Variants in CFTR observed in about 807,000 individuals in gnomAD.
CFTR encodes the protein cystic fibrosis transmembrane conductance regulator.
Under a neutral mutation model 171.6 loss-of-function variants are expected in CFTR, and 181 were observed. The observed-to-expected ratio is 1.05, with a 90% confidence interval of 0.93 to 1.19. The LOEUF is 1.19. Among genes scored for constraint, CFTR ranks in the 50% most tolerant of loss-of-function variants. The pLI, the probability that CFTR is intolerant of heterozygous loss-of-function variation, is 0.00. For synonymous variants in CFTR, 583 were observed against 608.0 expected, an observed-to-expected ratio of 0.96 and a Z score of 0.60; for missense variants, 1,968 against 1,734.7, an observed-to-expected ratio of 1.13 and a Z score of -2.39.
chr7:117,615,236 G>GT (rs1189880206), intron 21 of CFTR, among the ~76,000 whole-genome samples: 9 of 152,104 alleles, frequency 5.9e-5, no homozygotes. Flanking sequence ...TTGTCACCTA[G>GT]TTTTTTCTTC....
At chr7:117,507,356 G>C (rs566471813) in intron 2 of CFTR, among the ~76,000 whole-genome samples, 2 of 152,186 alleles carry the variant, frequency 1.3e-5, no homozygotes, top group African/African-American at 2.4e-5. Flanking sequence ...AGCTCCTGAA[G>C]TATGGTTTCC....
chr7:117,489,025 A>G (rs1798117022), intron 1 of CFTR, among the ~76,000 whole-genome samples: 1 of 152,076 alleles, frequency 6.6e-6, no homozygotes, highest in South Asian at 2.1e-4. Context: ...TGTTGCTTGA[A>G]ATTTCTTGGG....
chr7:117,493,603 T>C (rs1798194680), intron 1 of CFTR, among the ~76,000 whole-genome samples: 1 of 151,866 alleles, frequency 6.6e-6, no homozygotes, highest in African/African-American at 2.4e-5. Flanking sequence ...TTGAAGAAAA[T>C]GAAAGTAGCG....
At chr7:117,576,141 G>T (rs1309202523) in intron 11 of CFTR, among the ~76,000 whole-genome samples, 1 of 151,950 alleles carries the variant, frequency 6.6e-6, no homozygotes, top group Non-Finnish European at 1.5e-5. Flanking sequence ...TAATTTTTTA[G>T]TAGTCCCTCC....
chr7:117,571,096 A>G (rs548770989), intron 11 of CFTR, among the ~76,000 whole-genome samples: 1 of 152,300 alleles, frequency 6.6e-6, no homozygotes, highest in South Asian at 2.1e-4. Flanking sequence ...TCAAATTTAA[A>G]CTATGGAAGT....
At chr7:117,612,050 T>C (rs1468641047) in intron 20 of CFTR, among the ~76,000 whole-genome samples, 1 of 74,288 alleles carries the variant, frequency 1.3e-5, no homozygotes, top group African/African-American at 6.2e-5. Flanking sequence ...TATATATATA[T>C]ATACATATAT....
At position 117,612,006 on chromosome 7, in the gene CFTR, GATATATATATATATATGTATATATATAT is replaced by G. The variant is rs1182188138; in HGVS notation, c.3367+215_3367+242del. 5.2e-5 allele frequency among the ~76,000 whole-genome samples: 4 copies of G among 76,796 alleles called. 1 individual carries two copies. The highest frequency in any genetic ancestry group is 7.7e-5 in the Non-Finnish European group (3 of 38,824). The allele number at this position is 76,796 out of a possible 152,430, so 50.4% of individuals were successfully genotyped here. A position where few individuals can be genotyped will look rare whatever the true frequency, so the allele number is the denominator to read the frequency against. Reference sequence around the variant, plus strand: ...TAAACAAATAATTTCCTTGAAATCGGATATATATATATATATGTATATATATATATATATATATATATATATACATATA... The same window carrying G: ...TAAACAAATAATTTCCTTGAAATCGGATATATATATATATATATACATATA... On this transcript the variant is annotated intron_variant, in intron 20 of 26. Transcript: ENST00000003084.
At chr7:117,517,126 A>G (rs1286434021) in intron 3 of CFTR, among the ~76,000 whole-genome samples, 1 of 151,986 alleles carries the variant, frequency 6.6e-6, no homozygotes, top group Non-Finnish European at 1.5e-5. Context: ...TGCAATCTAG[A>G]TGGCGATTGC....
chr7:117,532,026 C>CTTGATAACCATA (rs952877982), intron 4 of CFTR, among the ~76,000 whole-genome samples: 1 of 151,664 alleles, frequency 6.6e-6, no homozygotes, highest in Admixed American at 6.6e-5. Flanking sequence ...GTTGTAAAAC[C>CTTGATAACCATA]TTGATAACCA....
chr7:117,592,466 C>CGACT lies in CFTR; in HGVS notation c.2299_2300insGACT (p.Gln767ArgfsTer13). On this transcript the variant is annotated frameshift_variant, in exon 14 of 27. Coordinates refer to ENST00000003084, the MANE Select transcript of CFTR (RefSeq NM_000492.4). LOFTEE classifies it high-confidence loss of function. The stretch of plus-strand genomic sequence containing the variant: ...CCCCACGCTTCAGGCACGAAGGAGG[C>CGACT]AGTCTGTCCTGAACCTGATGACACA... 6.3e-7 allele frequency: 1 copy of CGACT among 1,580,594 alleles called. No homozygotes were observed. Among genetic ancestry groups the CGACT allele is most frequent in the South Asian group, 1.2e-5 (1 of 84,980 alleles).
At chr7:117,660,470 A>G (rs928061355) in intron 24 of CFTR, among the ~76,000 whole-genome samples, 2 of 151,912 alleles carry the variant, frequency 1.3e-5, no homozygotes, top group African/African-American at 4.8e-5. Flanking sequence ...CCTCTCCACT[A>G]AAATACAAAA....
At chr7:117,583,418 G>A (rs556357630) in intron 11 of CFTR, among the ~76,000 whole-genome samples, 3 of 152,042 alleles carry the variant, frequency 2.0e-5, no homozygotes, top group South Asian at 4.2e-4. Flanking sequence ...GTGAGAACAT[G>A]CGATATTTGG....
At position 117,530,967 on chromosome 7, in the gene CFTR, G is replaced by C; in HGVS notation, c.342G>C (p.Lys114Asn). 6.2e-7 allele frequency: 1 copy of C among 1,613,812 alleles called. No individual in the cohort carries two copies. The highest frequency in any genetic ancestry group is 8.5e-7 in the Non-Finnish European group (1 of 1,179,838). The change falls in exon 4 of 27, where the codon AAG becomes AAC. Residue 114 changes from lysine (K) to asparagine (N), a missense_variant. Physicochemically the swap from Lys to Asn is moderately conservative, Grantham distance 94. Transcript: ENST00000003084. ...TAGCTTCCTATGACCCGGATAACAA[G>C]GAGGAACGCTCTATCGCGATTTATC... ...RIIASYDPDN[K>N]EERSIAIYLG...
chr7:117,520,366 T>C (rs1798667135), intron 3 of CFTR, among the ~76,000 whole-genome samples: 2 of 151,746 alleles, frequency 1.3e-5, no homozygotes, highest in Non-Finnish European at 3.0e-5. Flanking sequence ...CATTATTCTT[T>C]TATAAAGGCC....
At position 117,555,742 on chromosome 7, in the gene CFTR, C is replaced by A. The variant is rs1304708926; in HGVS notation, c.1393-3722C>A. 2.0e-5 allele frequency among the ~76,000 whole-genome samples: 3 copies of A among 152,240 alleles called. No individual in the cohort carries two copies. The East Asian group carries it at 5.8e-4, about 29-fold the overall frequency. ...GAACCCAGTATAAAGACTGTTGTAA[C>A]AAAAGAAAAGAAAATGTGAAACCAT... On this transcript the variant is annotated intron_variant, in intron 10 of 26. Coordinates refer to ENST00000003084, the MANE Select transcript of CFTR (RefSeq NM_000492.4).
In CFTR at chr7:117,642,574, C is replaced by T. The variant is rs397508617; in HGVS notation, c.3854C>T (p.Ala1285Val). Residue 1285 changes from alanine (A) to valine (V), a missense_variant, in exon 23 of 27, where the codon GCC becomes GTC. Ala to Val is a moderately conservative substitution (Grantham distance 64). Transcript: ENST00000003084. ...DSITLQQWRK[A>V]FGVIPQKVFI... is the part of the protein sequence containing the mutation. Reference sequence around the variant, plus strand: ...ATAACTTTGCAACAGTGGAGGAAAGCCTTTGGAGTGATACCACAGGTGAGC... The same window carrying T: ...ATAACTTTGCAACAGTGGAGGAAAGTCTTTGGAGTGATACCACAGGTGAGC... The T allele has an allele frequency of 3.2e-4, 511 of 1,613,382 alleles. 2 individuals are homozygous for T. In the South Asian group the frequency reaches 5.2e-3, roughly 17 times the overall value.
At chr7:117,544,246 C>CTATCT (rs879354903) in intron 9 of CFTR, among the ~76,000 whole-genome samples, 23 of 152,234 alleles carry the variant, frequency 1.5e-4, no homozygotes, top group Admixed American at 1.4e-3. Context: ...AACAGTAGTG[C>CTATCT]TATCTGTTGA....
At chr7:117,541,455 G>A (rs4148703) in intron 8 of CFTR, among the ~76,000 whole-genome samples, 16,942 of 152,174 alleles carry the variant, frequency 0.11, 1,455 homozygotes, top group East Asian at 0.41. Context: ...ACTTCAGTAT[G>A]CGTGGACTTA....
chr7:117,534,722 C>T (rs1798919631), intron 5 of CFTR, among the ~76,000 whole-genome samples: 1 of 152,128 alleles, frequency 6.6e-6, no homozygotes, highest in South Asian at 2.1e-4. Flanking sequence ...AATTCAAGGT[C>T]CTTGGGACAG....
Sources: allele counts gnomAD v4.1 joint callset (sites outside exome capture counted in the v4.1 genomes callset), GRCh38; gene constraint gnomAD v4.1.1; transcripts MANE v1.5; gene names NCBI Gene and HGNC (gene_info 2026-07-23, HGNC 2026-07-21).